The following SPIDR variants were observed in gnomAD, a reference collection of about 807,000 sequenced individuals.
SPIDR encodes the protein scaffold protein involved in DNA repair.
In SPIDR, 93 loss-of-function variants were observed where a neutral mutation model predicts 104.6. The observed-to-expected ratio is 0.89, with a 90% CI of 0.75 to 1.06. The LOEUF (loss-of-function observed/expected upper bound fraction) is 1.06, where lower values mean the gene tolerates loss of function less well. SPIDR is among the 50% of genes least tolerant of loss of function. SPIDR has a pLI of 0.00. For missense variants in SPIDR, 1,154 were observed against 1,111.2 expected, an observed-to-expected ratio of 1.04 and a Z score of -0.55; for synonymous variants, 431 against 416.9, an observed-to-expected ratio of 1.03 and a Z score of -0.41.
chr8:47,359,980 C>T (rs371016505), intron 5 of SPIDR, among the ~76,000 whole-genome samples: 2 of 152,140 alleles, frequency 1.3e-5, no homozygotes, highest in South Asian at 2.1e-4. Context: ...CAGTGGCTCA[C>T]GCCTGTAATC....
chr8:47,581,962 A>G (rs2059749699), intron 8 of SPIDR, among the ~76,000 whole-genome samples: 1 of 152,188 alleles, frequency 6.6e-6, no homozygotes, highest in Non-Finnish European at 1.5e-5. Context: ...CACTCCTGTA[A>G]TCCCAGCACT....
intron 8 of SPIDR, among the ~76,000 whole-genome samples, chr8:47,508,487 T>C (rs1409895256): frequency 6.6e-6 from 1 of 152,228 alleles, no homozygotes; most frequent in Non-Finnish European, 1.5e-5. Flanking sequence ...AAAAGAGATG[T>C]GATAGGAGTC....
At position 47,712,647 on chromosome 8, in the gene SPIDR, G is replaced by A. The variant is rs200196966; in HGVS notation, c.1978-15G>A. On this transcript the variant is annotated splice_polypyrimidine_tract_variant and intron_variant, in intron 14 of 19. Transcript: ENST00000297423. ...TGGTATAATAATTAATCTTTATTGT[G>A]TCTTCAAATTGTAGCTGAAGAGTCT... The A allele has an allele frequency of 3.2e-5, 51 of 1,609,082 alleles. No individual in the cohort carries two copies. Among genetic ancestry groups the A allele is most frequent in the Non-Finnish European group, 3.7e-5 (44 of 1,177,052 alleles).
intron 11 of SPIDR, among the ~76,000 whole-genome samples, chr8:47,679,564 C>T (rs1412912263): frequency 6.6e-5 from 10 of 150,594 alleles, no homozygotes; most frequent in African/African-American, 2.4e-4. Flanking sequence ...CCAGTGCTGG[C>T]CTGTGCCATG....
In SPIDR at chr8:47,446,817, C is replaced by G. The variant is rs554117286; in HGVS notation, c.1097+6275C>G. Reference sequence around the variant, plus strand: ...GGTCAGGCTGGTCTGGAACTCGTGACCTCGTGATCCACCCACTTCGGCTTC... The same window carrying G: ...GGTCAGGCTGGTCTGGAACTCGTGAGCTCGTGATCCACCCACTTCGGCTTC... On this transcript the variant is annotated intron_variant, in intron 8 of 19. Transcript: ENST00000297423. Among the ~76,000 whole-genome samples the G allele has an allele frequency of 1.1e-3, 174 of 152,196 alleles. 2 individuals carry two copies. In the South Asian group the frequency reaches 0.036, roughly 31 times the overall value.
intron 5 of SPIDR, among the ~76,000 whole-genome samples, chr8:47,342,631 C>G (rs1303984415): frequency 6.6e-6 from 1 of 152,024 alleles, no homozygotes; most frequent in Non-Finnish European, 1.5e-5. Context: ...TCAAGTGCAC[C>G]CGGCCTGAAA....
intron 7 of SPIDR, among the ~76,000 whole-genome samples, chr8:47,412,357 A>G (rs2063654456): frequency 6.6e-6 from 1 of 152,204 alleles, no homozygotes; most frequent in African/African-American, 2.4e-5. Flanking sequence ...TTAGACACAA[A>G]AAAAGAATTT....
chr8:47,314,651 A>G (rs1455280343), intron 5 of SPIDR, among the ~76,000 whole-genome samples: 1 of 152,188 alleles, frequency 6.6e-6, no homozygotes, highest in Non-Finnish European at 1.5e-5. Context: ...TCCATGATGC[A>G]GTTACCTCCC....
chr8:47,704,934 G>A (rs1455078727), intron 14 of SPIDR, among the ~76,000 whole-genome samples: 1 of 152,206 alleles, frequency 6.6e-6, no homozygotes, highest in Non-Finnish European at 1.5e-5. Context: ...CTTGAGAGGG[G>A]TCAGTGTGTG....
intron 5 of SPIDR, among the ~76,000 whole-genome samples, chr8:47,394,655 G>T (rs568693954): frequency 1.3e-5 from 2 of 152,172 alleles, no homozygotes; most frequent in East Asian, 3.9e-4. Flanking sequence ...CAGTGCTGTA[G>T]GACAAAGGGC....
intron 10 of SPIDR, among the ~76,000 whole-genome samples, chr8:47,639,033 A>T (rs1345455326): frequency 6.6e-6 from 1 of 152,212 alleles, no homozygotes; most frequent in East Asian, 1.9e-4. Flanking sequence ...TTCTTAAAAT[A>T]TTGTTTGGCT....
At chr8:47,595,191 C>T (rs963491266) in intron 8 of SPIDR, among the ~76,000 whole-genome samples, 3 of 152,082 alleles carry the variant, frequency 2.0e-5, no homozygotes, top group Admixed American at 6.5e-5. Flanking sequence ...TGTGATACTC[C>T]GTCCTCCCAG....
intron 5 of SPIDR, among the ~76,000 whole-genome samples, chr8:47,390,590 TAA>T (rs57154421): frequency 2.2e-5 from 3 of 138,198 alleles, no homozygotes; most frequent in African/African-American, 2.6e-5. Context: ...ACCATACCAT[TAA>T]AAAAAAAAAA....
At position 47,700,505 on chromosome 8, in the gene SPIDR, G is replaced by A. The variant is rs767950806; in HGVS notation, c.1773+15G>A. On this transcript the variant is annotated intron_variant, in intron 12 of 19. Transcript: ENST00000297423. ...CCTGTGAAGAGGTAAGCCCGGCACTGGAAAAACTTCCCCAGTCACAGACTA... is the reference window on the plus strand; with the variant it reads ...CCTGTGAAGAGGTAAGCCCGGCACTAGAAAAACTTCCCCAGTCACAGACTA... 5.6e-6 allele frequency: 9 copies of A among 1,613,996 alleles called. No individual in the cohort carries two copies. The South Asian group carries it at 7.7e-5, about 14-fold the overall frequency.
intron 10 of SPIDR, among the ~76,000 whole-genome samples, chr8:47,603,888 C>A (rs963368613): frequency 6.6e-5 from 10 of 152,124 alleles, no homozygotes; most frequent in Non-Finnish European, 1.3e-4. Flanking sequence ...TTTTCCATAC[C>A]TTGATGTTTT....
intron 10 of SPIDR, among the ~76,000 whole-genome samples, chr8:47,645,272 T>C (rs1359837538): frequency 6.6e-6 from 1 of 152,098 alleles, no homozygotes; most frequent in Non-Finnish European, 1.5e-5. Context: ...GCAGAAAGGC[T>C]CAGGGTCTGT....
chr8:47,325,739 G>C (rs2047545462), intron 5 of SPIDR, among the ~76,000 whole-genome samples: 5 of 152,236 alleles, frequency 3.3e-5, no homozygotes, highest in African/African-American at 1.2e-4. Flanking sequence ...CTCTTTCTTT[G>C]AGAGTGGAGG....
chr8:47,585,956 A>G (rs1239961123), intron 8 of SPIDR, among the ~76,000 whole-genome samples: 3 of 152,170 alleles, frequency 2.0e-5, no homozygotes, highest in Non-Finnish European at 4.4e-5. Flanking sequence ...GGAGGGGCAC[A>G]TATTCAAACC....
chr8:47,535,301 A>G (rs921722165), intron 8 of SPIDR, among the ~76,000 whole-genome samples: 3 of 152,198 alleles, frequency 2.0e-5, no homozygotes, highest in Admixed American at 6.5e-5. Flanking sequence ...TTAAGGAAAC[A>G]CTTAAGCACT....
Sources: gnomAD v4.1 joint callset for allele counts (sites outside exome capture counted in the v4.1 genomes callset) on GRCh38, gnomAD v4.1.1 for gene constraint, MANE v1.5 for transcripts, NCBI Gene and HGNC (gene_info 2026-07-23, HGNC 2026-07-21) for gene names.